Variants in SMARCC1 observed in about 807,000 individuals in gnomAD.
SMARCC1 encodes the protein SWI/SNF related BAF chromatin remodeling complex subunit C1, also known as SWI/SNF complex subunit SMARCC1.
A neutral mutation model predicts 147.4 loss-of-function variants in SMARCC1; 43 were observed. That is an observed-to-expected ratio of 0.29 (90% CI 0.23 to 0.38). SMARCC1 has a LOEUF of 0.38. Among genes scored for constraint, SMARCC1 ranks in the 10% least tolerant of loss-of-function variants. The pLI is 1.00. For synonymous variants in SMARCC1, 495 were observed against 484.4 expected (o/e 1.02, Z -0.29); for missense variants, 1,119 against 1,381.1 (o/e 0.81, Z 3.01).
intron 18 of SMARCC1, among the ~76,000 whole-genome samples, chr3:47,671,196 A>AAAAAAAAAAAAAACAAC (rs753672169): frequency 1.2e-4 from 10 of 81,202 alleles, no homozygotes; most frequent in African/African-American, 3.2e-4. Context: ...AAAAAAAAAA[A>AAAAAAAAAAAAAACAAC]AACACACACA....
chr3:47,736,571 G>A (rs544021625), intron 4 of SMARCC1, among the ~76,000 whole-genome samples: 2 of 152,196 alleles, frequency 1.3e-5, no homozygotes, highest in East Asian at 3.9e-4. Context: ...AGCTACTCGG[G>A]AGGCTGAGGC....
chr3:47,684,601 T>A (rs1039492591), intron 14 of SMARCC1, among the ~76,000 whole-genome samples: 3 of 151,882 alleles, frequency 2.0e-5, no homozygotes, highest in Non-Finnish European at 4.4e-5. Flanking sequence ...CCACCACGCC[T>A]GGCTAATTTT....
intron 18 of SMARCC1, among the ~76,000 whole-genome samples, chr3:47,671,527 G>A (rs1002461448): frequency 7.2e-5 from 11 of 152,162 alleles, no homozygotes; most frequent in Non-Finnish European, 1.6e-4. Context: ...ATCTCCAAGT[G>A]AGTCCCTAAA....
Position 47,588,032 on chromosome 3 carries a change from A to AAC in SMARCC1, c.*175_*176dup. On this transcript the variant is annotated 3_prime_UTR_variant, in exon 28 of 28. Transcript: ENST00000254480. ...CCCCTTGAGTGTTGGCTGAGGACCCAACACAAAAAGTGTCAGAGAGAGGGG... is the reference window on the plus strand; with the variant it reads ...CCCCTTGAGTGTTGGCTGAGGACCCAACACACAAAAAGTGTCAGAGAGAGGGG... 1.7e-6 allele frequency: 1 copy of AAC among 590,728 alleles called. No homozygotes were observed. The highest frequency in any genetic ancestry group is 3.0e-6 in the Non-Finnish European group (1 of 332,940). The allele number at this position is 590,728 out of a possible 1,614,324, so 36.6% of individuals were successfully genotyped here. A position where few individuals can be genotyped will look rare whatever the true frequency, so the allele number is the denominator to read the frequency against.
intron 3 of SMARCC1, among the ~76,000 whole-genome samples, chr3:47,742,659 T>C (rs2034522530): frequency 6.6e-6 from 1 of 152,318 alleles, no homozygotes; most frequent in South Asian, 2.1e-4. Flanking sequence ...CTTGGTTCAC[T>C]GCAGCCTCTA....
At chr3:47,589,915 C>T (rs975067800) in intron 27 of SMARCC1, among the ~76,000 whole-genome samples, 6 of 152,190 alleles carry the variant, frequency 3.9e-5, no homozygotes, top group Admixed American at 2.0e-4. Flanking sequence ...TCTACATGAA[C>T]CTAAGATTAC....
chr3:47,631,552 A>G (rs1211575958), intron 24 of SMARCC1, among the ~76,000 whole-genome samples: 1 of 152,200 alleles, frequency 6.6e-6, no homozygotes, highest in Non-Finnish European at 1.5e-5. Context: ...GCTTACACCC[A>G]CACACCACTC....
intron 1 of SMARCC1, among the ~76,000 whole-genome samples, chr3:47,776,154 G>GA (rs879878989): frequency 1.3e-4 from 18 of 143,798 alleles, no homozygotes; most frequent in East Asian, 6.1e-4. Context: ...TCTCAAACGA[G>GA]AAAAAAAAAA....
intron 27 of SMARCC1, among the ~76,000 whole-genome samples, chr3:47,588,703 G>GC (rs544157096): frequency 0.16 from 7,519 of 48,202 alleles, 307 homozygotes; most frequent in Middle Eastern, 0.24. Flanking sequence ...TTTTCTTCCC[G>GC]CCCCCCCCCC....
intron 3 of SMARCC1, among the ~76,000 whole-genome samples, chr3:47,743,482 G>T (rs533204094): frequency 6.6e-6 from 1 of 151,428 alleles, no homozygotes. Flanking sequence ...TGTATTACAC[G>T]TATCTTTCTA....
intron 7 of SMARCC1, among the ~76,000 whole-genome samples, chr3:47,716,760 GGAC>G (rs2034160968): frequency 6.6e-6 from 1 of 152,136 alleles, no homozygotes; most frequent in Non-Finnish European, 1.5e-5. Flanking sequence ...TTGGATGCAA[GGAC>G]TACTGACTTG....
intron 6 of SMARCC1, 49 bp from the exon 7 acceptor site, chr3:47,720,784 G>T (rs1323665020): frequency 2.3e-6 from 3 of 1,315,910 alleles, no homozygotes; most frequent in South Asian, 1.3e-5. Context: ...AAATAATAAA[G>T]AAACTATGAT....
chr3:47,680,709 G>A (rs576649078), intron 14 of SMARCC1, among the ~76,000 whole-genome samples: 4 of 151,292 alleles, frequency 2.6e-5, no homozygotes, highest in East Asian at 1.9e-4. Flanking sequence ...CACTACGCCC[G>A]GCTAATTTTT....
At chr3:47,670,526 C>T (rs2033480644) in intron 19 of SMARCC1, 132 bp downstream of exon 19, 22 of 673,768 alleles carry the variant, frequency 3.3e-5, no homozygotes. Context: ...AGAGGCTGCA[C>T]TGAGCTACCA....
intron 21 of SMARCC1, among the ~76,000 whole-genome samples, chr3:47,642,613 C>A (rs1026360409): frequency 1.3e-5 from 2 of 151,684 alleles, no homozygotes; most frequent in African/African-American, 4.8e-5. Context: ...ACAACAACAA[C>A]AACAAAAACC....
Position 47,636,154 on chromosome 3 carries a change from CAA to C in SMARCC1, c.2377-20_2377-19del, listed in dbSNP as rs2032965508. ...TTTTCTGCCTGAAAGGGATATAAAA[CAA>C]GAGGACAGGCAGTGAACAAAAAAAC... On this transcript the variant is annotated intron_variant, in intron 22 of 27. Coordinates refer to ENST00000254480, the MANE Select transcript of SMARCC1 (RefSeq NM_003074.4). 7.2e-7 allele frequency: 1 copy of C among 1,397,324 alleles called. No individual in the cohort carries two copies. The highest frequency in any genetic ancestry group is 1.4e-5 in the African/African-American group (1 of 70,478). 86.6% of individuals were successfully genotyped at this position (1,397,324 alleles called of 1,614,324 possible).
intron 16 of SMARCC1, among the ~76,000 whole-genome samples, chr3:47,677,631 A>G (rs1200342312): frequency 3.3e-5 from 5 of 151,668 alleles, no homozygotes; most frequent in African/African-American, 1.2e-4. Context: ...AGCTCACTGC[A>G]ATCTCTGTCT....
chr3:47,627,298 T>C (rs545687355), intron 24 of SMARCC1, among the ~76,000 whole-genome samples: 1 of 151,886 alleles, frequency 6.6e-6, no homozygotes, highest in East Asian at 1.9e-4. Flanking sequence ...AGCACAACTT[T>C]TGGAAACACC....
intron 2 of SMARCC1, among the ~76,000 whole-genome samples, chr3:47,763,390 T>C (rs879577008): frequency 6.9e-5 from 10 of 143,974 alleles, no homozygotes; most frequent in African/African-American, 1.0e-4. Flanking sequence ...TGGGCAACAA[T>C]AGCGAGACTC....
Sources: gnomAD v4.1 joint callset for allele counts (sites outside exome capture counted in the v4.1 genomes callset) on GRCh38, gnomAD v4.1.1 for gene constraint, MANE v1.5 for transcripts, NCBI Gene and HGNC (gene_info 2026-07-23, HGNC 2026-07-21) for gene names.